The following SHC4 variants were observed in gnomAD, a reference collection of about 807,000 sequenced individuals.
The protein encoded by SHC4 is SHC adaptor protein 4, also known as SHC-transforming protein 4.
In SHC4, 41 loss-of-function variants were observed where a neutral mutation model predicts 69.4. The ratio of observed to expected loss-of-function variants is 0.59; its 90% confidence interval spans 0.46 to 0.77. SHC4 has a LOEUF of 0.77. Ranked by LOEUF, SHC4 falls within the 30% of genes least tolerant of loss-of-function variation. The probability of loss-of-function intolerance (pLI) is 0.00; values close to 1 mark genes in which losing one functional copy is unlikely to be tolerated. For synonymous variants in SHC4, 318 were observed against 299.3 expected (o/e 1.06, Z -0.64); for missense variants, 777 against 783.8 (o/e 0.99, Z 0.10).
At chr15:48,923,187 T>C (rs1900781845) in intron 2 of SHC4, among the ~76,000 whole-genome samples, 1 of 152,204 alleles carries the variant, frequency 6.6e-6, no homozygotes, top group South Asian at 2.1e-4. Flanking sequence ...CTAAGGCACA[T>C]TTCATGGAAC....
At chr15:48,878,450 G>T (rs753906069) in intron 4 of SHC4, 2 of 1,613,396 alleles carry the variant, frequency 1.2e-6, no homozygotes, top group Non-Finnish European at 1.7e-6. Flanking sequence ...GGCGGGCGCA[G>T]ACTTCGAGAG....
intron 3 of SHC4, among the ~76,000 whole-genome samples, chr15:48,886,618 A>C (rs143503416): frequency 3.3e-5 from 5 of 152,354 alleles, no homozygotes; most frequent in Middle Eastern, 3.4e-3. Context: ...AACAGGATTA[A>C]TACTACTATC....
At chr15:48,960,176 A>G (rs11855575) in intron 1 of SHC4, among the ~76,000 whole-genome samples, 77,713 of 152,016 alleles carry the variant, frequency 0.51, 21,087 homozygotes, top group African/African-American at 0.68. Flanking sequence ...TGGTGCCCCC[A>G]TTAAAAATCT....
At chr15:48,908,448 T>G (rs1220940178) in intron 2 of SHC4, among the ~76,000 whole-genome samples, 3 of 152,218 alleles carry the variant, frequency 2.0e-5, no homozygotes, top group Admixed American at 6.5e-5. Flanking sequence ...TTCTGGATAT[T>G]AGTCCTTTGT....
chr15:48,937,681 G>C (rs1275773405), intron 1 of SHC4, among the ~76,000 whole-genome samples: 1 of 152,070 alleles, frequency 6.6e-6, no homozygotes, highest in Non-Finnish European at 1.5e-5. Context: ...AAGAGAAAGA[G>C]GAGTGGTAAG....
At chr15:48,954,169 G>C (rs940645636) in intron 1 of SHC4, among the ~76,000 whole-genome samples, 2 of 152,158 alleles carry the variant, frequency 1.3e-5, no homozygotes, top group African/African-American at 4.8e-5. Context: ...GGCCTTGCAG[G>C]CTGTTTAGCT....
chr15:48,863,400 C>T (rs942595859), intron 6 of SHC4, among the ~76,000 whole-genome samples: 2 of 152,080 alleles, frequency 1.3e-5, no homozygotes, highest in East Asian at 3.9e-4. Flanking sequence ...CATATAATTA[C>T]TTATTTTTCT....
chr15:48,886,586 C>T (rs890186805), intron 3 of SHC4, among the ~76,000 whole-genome samples: 1 of 152,084 alleles, frequency 6.6e-6, no homozygotes, highest in Non-Finnish European at 1.5e-5. Flanking sequence ...CTCCGGAACC[C>T]CCTCAATGTT....
intron 2 of SHC4, among the ~76,000 whole-genome samples, chr15:48,915,778 G>A (rs1900608515): frequency 6.6e-6 from 1 of 152,180 alleles, no homozygotes; most frequent in Non-Finnish European, 1.5e-5. Context: ...TACAGTGCTT[G>A]TTTTCAATCC....
chr15:48,826,046 G>A lies in SHC4; in HGVS notation c.1818C>T (p.Ser606=). The change falls in exon 12 of 12, where the codon TCC becomes TCT. Residue 606 remains serine (S), a synonymous_variant. Coordinates refer to ENST00000332408, the MANE Select transcript of SHC4 (RefSeq NM_203349.4). The part of the protein sequence containing the change: ...YHMDNSLPII[S]SGSEVSLKQP... ...GTTTAAGGCTTACTTCGCTTCCAGA[G>A]GAGATGATTGGCAAACTGTTATCCA... 1 of 1,613,994 alleles carries A rather than the reference G, an allele frequency of 6.2e-7. No homozygotes were observed. Among genetic ancestry groups the A allele is most frequent in the Non-Finnish European group, 8.5e-7 (1 of 1,179,956 alleles).
At chr15:48,872,678 G>T (rs1293298435) in intron 4 of SHC4, among the ~76,000 whole-genome samples, 3 of 152,040 alleles carry the variant, frequency 2.0e-5, no homozygotes. Flanking sequence ...GTTTCTTTTT[G>T]CAAAAGTTAG....
intron 4 of SHC4, chr15:48,878,046 G>T (rs1899851410): frequency 8.4e-7 from 1 of 1,185,958 alleles, no homozygotes; most frequent in Non-Finnish European, 1.2e-6. Context: ...CAAGTAGGAG[G>T]CGGTACCTGA....
intron 2 of SHC4, among the ~76,000 whole-genome samples, chr15:48,922,210 C>G (rs7169292): frequency 0.06 from 9,126 of 152,210 alleles, 361 homozygotes; most frequent in African/African-American, 0.1. Flanking sequence ...TCCCCAGCAA[C>G]AGTGTAAATT....
At chr15:48,858,230 T>C (rs1019578898) in intron 6 of SHC4, among the ~76,000 whole-genome samples, 1 of 152,148 alleles carries the variant, frequency 6.6e-6, no homozygotes, top group African/African-American at 2.4e-5. Flanking sequence ...TTATGGAAGA[T>C]TGAAAAAATA....
intron 1 of SHC4, among the ~76,000 whole-genome samples, chr15:48,953,808 T>C (rs775219053): frequency 5.3e-5 from 8 of 152,370 alleles, no homozygotes; most frequent in Non-Finnish European, 8.8e-5. Flanking sequence ...ACATCCTTGA[T>C]GTACGAGTAG....
intron 4 of SHC4, among the ~76,000 whole-genome samples, chr15:48,875,332 C>T (rs145379962): frequency 3.6e-4 from 55 of 152,298 alleles, no homozygotes; most frequent in African/African-American, 1.1e-3. Context: ...TGAAGGCCAC[C>T]ACTTCATCAG....
At chr15:48,873,199 G>A (rs187349258) in intron 4 of SHC4, among the ~76,000 whole-genome samples, 10 of 152,220 alleles carry the variant, frequency 6.6e-5, no homozygotes, top group African/African-American at 2.4e-4. Flanking sequence ...TATACTGCAT[G>A]GCTTAATTTA....
chr15:48,887,745 A>G (rs1186959548), intron 3 of SHC4, among the ~76,000 whole-genome samples: 2 of 152,194 alleles, frequency 1.3e-5, no homozygotes, highest in Non-Finnish European at 2.9e-5. Context: ...AAAACTGACA[A>G]ACCTTTAGCT....
chr15:48,912,018 A>G (rs1595754575), intron 2 of SHC4, among the ~76,000 whole-genome samples: 1 of 152,220 alleles, frequency 6.6e-6, no homozygotes, highest in East Asian at 1.9e-4. Flanking sequence ...TCTGTCTCAC[A>G]GCTCTTAAGA....
Sources: allele counts gnomAD v4.1 joint callset (sites outside exome capture counted in the v4.1 genomes callset), GRCh38; gene constraint gnomAD v4.1.1; transcripts MANE v1.5; gene names NCBI Gene and HGNC (gene_info 2026-07-23, HGNC 2026-07-21).